Variants in ARHGEF16 observed in about 807,000 individuals in gnomAD.
ARHGEF16 encodes Rho guanine exchange factor (GEF) 16.
Under a neutral mutation model 74.1 loss-of-function variants are expected in ARHGEF16, and 59 were observed. The observed-to-expected ratio is 0.80, with a 90% CI of 0.65 to 0.99. The LOEUF (loss-of-function observed/expected upper bound fraction) is 0.99. Among genes scored for constraint, ARHGEF16 ranks in the 50% least tolerant of loss-of-function variants. ARHGEF16 has a pLI of 0.00. For synonymous variants in ARHGEF16, 415 were observed against 412.6 expected (o/e 1.01, Z -0.07); for missense variants, 948 against 986.6 (o/e 0.96, Z 0.52).
chr1:3,473,659 C>T, intron 8 of ARHGEF16, 137 bp downstream of exon 8: 1 of 1,388,796 alleles, frequency 7.2e-7, no homozygotes. Context: ...TAGTTACGAT[C>T]CTAAGATGGC....
Position 3,471,083 on chromosome 1 carries a change from GGGGTGTGTGTGCGT to G in ARHGEF16, c.1022+1503_1022+1516del, listed in dbSNP as rs552290392. 7.4e-3 allele frequency among the ~76,000 whole-genome samples: 1,032 copies of G among 140,176 alleles called. 9 individuals carry two copies. Among genetic ancestry groups the G allele is most frequent in the African/African-American group, 0.027 (994 of 37,246 alleles). The allele number at this position is 140,176 out of a possible 152,430, so 92.0% of individuals were successfully genotyped here. A position where few individuals can be genotyped will look rare whatever the true frequency, so the allele number is the denominator to read the frequency against. On this transcript the variant is annotated intron_variant, in intron 6 of 14. Transcript: ENST00000378378. ...ATGGACAGGTATGTGTGCATGGGCA[GGGGTGTGTGTGCGT>G]GGGTGTGTGTGCCTGGGCAGGGGTG...
At chr1:3,458,015 G>A (rs1444946020) in intron 1 of ARHGEF16, among the ~76,000 whole-genome samples, 4 of 152,200 alleles carry the variant, frequency 2.6e-5, no homozygotes, top group African/African-American at 9.7e-5. Context: ...CCCAGCCTCT[G>A]CTCATTTTGA....
At chr1:3,471,873 C>G in intron 6 of ARHGEF16, 1 of 1,023,124 alleles carries the variant, frequency 9.8e-7, no homozygotes, top group Non-Finnish European at 1.2e-6. Flanking sequence ...GCCTGGCCGG[C>G]CTGGGCACGT....
intron 2 of ARHGEF16, among the ~76,000 whole-genome samples, chr1:3,464,139 T>C (rs1460762125): frequency 1.1e-5 from 1 of 91,778 alleles, no homozygotes; most frequent in Non-Finnish European, 3.0e-5. Context: ...AGGAGAAGTC[T>C]GCACATTCCC....
At chr1:3,467,100 C>T (rs1033032293) in intron 3 of ARHGEF16, 68 bp from the exon 4 acceptor site, 14 of 1,465,858 alleles carry the variant, frequency 9.6e-6, no homozygotes, top group East Asian at 2.5e-5. Flanking sequence ...ACTCAGCTGG[C>T]GGGTTGCAGG....
chr1:3,479,391 C>T (rs1639990791), intron 12 of ARHGEF16, 126 bp from the exon 13 acceptor site: 1 of 1,030,788 alleles, frequency 9.7e-7, no homozygotes, highest in Admixed American at 2.3e-5. Flanking sequence ...TGCCCAGCCA[C>T]TCCTGCCCAC....
At position 3,473,528 on chromosome 1, in the gene ARHGEF16, T is replaced by G; in HGVS notation, c.1305+6T>G. 1 of 1,606,320 alleles carries G rather than the reference T, an allele frequency of 6.2e-7. No individual in the cohort carries two copies. ...GGCTGCCCCTCCTGATGGATGTAAG[T>G]CCACGGCCTGAGGGTGGGGCCGGGC... On this transcript the variant is annotated splice_donor_region_variant and intron_variant, in intron 8 of 14. Transcript: ENST00000378378.
intron 4 of ARHGEF16, chr1:3,468,667 G>A (rs1639616677): frequency 1.7e-6 from 1 of 590,998 alleles, no homozygotes; most frequent in Non-Finnish European, 3.0e-6. Context: ...GCTGGGGGGA[G>A]CGGGGGGCTG....
chr1:3,477,312 A>T (rs1639909198), intron 10 of ARHGEF16, among the ~76,000 whole-genome samples: 1 of 147,820 alleles, frequency 6.8e-6, no homozygotes, highest in Admixed American at 6.7e-5. Flanking sequence ...CGTCACCCCC[A>T]CACTACCCAC....
At chr1:3,472,885 CCT>C in intron 6 of ARHGEF16, 191 bp from the exon 7 acceptor site, 5 of 237,782 alleles carry the variant, frequency 2.1e-5, no homozygotes, top group South Asian at 4.6e-5. Flanking sequence ...TCCCACCCGC[CCT>C]CCCTGCTGTC....
At chr1:3,471,746 T>C in intron 6 of ARHGEF16, 1 of 1,201,318 alleles carries the variant, frequency 8.3e-7, no homozygotes, top group Non-Finnish European at 1.1e-6. Flanking sequence ...CCCCGACAGC[T>C]CCTGGCATTC....
At chr1:3,472,938 G>C (rs1639772068) in intron 6 of ARHGEF16, 140 bp from the exon 7 acceptor site, 3 of 781,842 alleles carry the variant, frequency 3.8e-6, no homozygotes, top group Admixed American at 3.7e-5. Flanking sequence ...TGCTTGCTGT[G>C]TGCTGCCTCT....
intron 5 of ARHGEF16, 89 bp from the exon 6 acceptor site, chr1:3,469,343 CG>C: frequency 6.7e-6 from 10 of 1,484,050 alleles, no homozygotes; most frequent in Non-Finnish European, 8.3e-6. Flanking sequence ...CCCTGCCACC[CG>C]GGTCACGTCC....
At chr1:3,478,335 G>A in intron 11 of ARHGEF16, 89 bp from the exon 12 acceptor site, 1 of 1,412,216 alleles carries the variant, frequency 7.1e-7, no homozygotes, top group South Asian at 1.3e-5. Context: ...CACCACTGCA[G>A]GGGAGCCGGG....
chr1:3,468,117 C>A (rs145287391), intron 4 of ARHGEF16, among the ~76,000 whole-genome samples: 34 of 152,318 alleles, frequency 2.2e-4, no homozygotes, highest in Non-Finnish European at 4.0e-4. Flanking sequence ...TACTCTCCTG[C>A]TGGGAGCTGG....
At chr1:3,474,003 CA>C in intron 8 of ARHGEF16, 1 of 232,970 alleles carries the variant, frequency 4.3e-6, no homozygotes, top group South Asian at 6.5e-5. Flanking sequence ...GAAAGGTGTA[CA>C]CACACACGCA....
chr1:3,480,944 G>A lies in ARHGEF16; in HGVS notation c.*357G>A. 1 of 279,046 alleles carries A rather than the reference G, an allele frequency of 3.6e-6. No homozygotes were observed. Among genetic ancestry groups the A allele is most frequent in the Non-Finnish European group, 6.7e-6 (1 of 148,568 alleles). The allele number at this position is 279,046 out of a possible 1,614,324, so 17.3% of individuals were successfully genotyped here. ...GAGGCACCAATAGCGATTATTGGGG[G>A]CAATGCGAGGTCTCCTCCTATGCCC... On this transcript the variant is annotated 3_prime_UTR_variant, in exon 15 of 15. Transcript: ENST00000378378.
chr1:3,459,363 G>A (rs891415349), intron 1 of ARHGEF16, among the ~76,000 whole-genome samples: 6 of 152,236 alleles, frequency 3.9e-5, no homozygotes, highest in African/African-American at 1.2e-4. Flanking sequence ...AGGGAAGGGC[G>A]CTGCCCGACT....
At chr1:3,479,068 T>G (rs1220484700) in intron 12 of ARHGEF16, among the ~76,000 whole-genome samples, 1 of 152,118 alleles carries the variant, frequency 6.6e-6, no homozygotes, top group African/African-American at 2.4e-5. Context: ...AGCAGGGTGG[T>G]CCTGGCACTC....
Sources: allele counts gnomAD v4.1 joint callset (sites outside exome capture counted in the v4.1 genomes callset), GRCh38; gene constraint gnomAD v4.1.1; transcripts MANE v1.5; gene names NCBI Gene and HGNC (gene_info 2026-07-23, HGNC 2026-07-21).